GPC5: variants seen among roughly 807,000 people sequenced by gnomAD.
GPC5 encodes the protein glypican-5.
In GPC5, 47 loss-of-function variants were observed where a neutral mutation model predicts 53.9. That is an observed-to-expected ratio of 0.87 (90% CI 0.69 to 1.11). GPC5 has a LOEUF of 1.11. GPC5 is among the 50% of genes most tolerant of loss of function. The pLI is 0.00. For synonymous variants in GPC5, 286 were observed against 263.3 expected (o/e 1.09, Z -0.84); for missense variants, 748 against 713.1 (o/e 1.05, Z -0.56).
chr13:91,963,747 T>C (rs927834215), intron 6 of GPC5, among the ~76,000 whole-genome samples: 1 of 151,998 alleles, frequency 6.6e-6, no homozygotes, highest in Admixed American at 6.6e-5. Context: ...GATAAATAAA[T>C]AAAACACAGA....
chr13:92,842,220 GC>G (rs1713833530), intron 7 of GPC5, among the ~76,000 whole-genome samples: 1 of 152,030 alleles, frequency 6.6e-6, no homozygotes, highest in South Asian at 2.1e-4. Context: ...TAACAAATAA[GC>G]CTGTTATTAC....
chr13:91,790,512 A>C (rs1365835734), intron 5 of GPC5, among the ~76,000 whole-genome samples: 1 of 152,242 alleles, frequency 6.6e-6, no homozygotes, highest in Admixed American at 6.5e-5. Flanking sequence ...TTTGAACAAA[A>C]ACAACAATGC....
chr13:92,728,404 T>C (rs1160713515), intron 7 of GPC5, among the ~76,000 whole-genome samples: 1 of 150,282 alleles, frequency 6.7e-6, no homozygotes, highest in Non-Finnish European at 1.5e-5. Flanking sequence ...TGAATGTTAA[T>C]TTTTTTGTGG....
At chr13:91,720,771 G>T (rs2036445953) in intron 3 of GPC5, among the ~76,000 whole-genome samples, 1 of 152,108 alleles carries the variant, frequency 6.6e-6, no homozygotes, top group Admixed American at 6.5e-5. Flanking sequence ...CTCATTTAAT[G>T]ATACCTTCAT....
At chr13:91,952,189 C>CTATGTGTGTG (rs138325351) in intron 6 of GPC5, among the ~76,000 whole-genome samples, 1 of 119,316 alleles carries the variant, frequency 8.4e-6, no homozygotes, top group African/African-American at 2.5e-5. Context: ...CTCTCTCTCT[C>CTATGTGTGTG]TGTGTGTGTG....
chr13:92,445,439 A>G (rs1222240477), intron 7 of GPC5, among the ~76,000 whole-genome samples: 8 of 148,472 alleles, frequency 5.4e-5, no homozygotes, highest in Admixed American at 5.4e-4. Context: ...AGCATTAGGT[A>G]TATCTCCTAA....
At chr13:92,469,855 A>C (rs1046640305) in intron 7 of GPC5, among the ~76,000 whole-genome samples, 2 of 152,134 alleles carry the variant, frequency 1.3e-5, no homozygotes, top group South Asian at 4.1e-4. Context: ...AATTTATATC[A>C]TACTGAGACA....
chr13:91,514,050 A>G (rs1330562395), intron 2 of GPC5, among the ~76,000 whole-genome samples: 2 of 152,182 alleles, frequency 1.3e-5, no homozygotes, highest in African/African-American at 4.8e-5. Flanking sequence ...TTCACCTGTA[A>G]AAAGCCATCT....
At chr13:92,864,257 T>C (rs1879273519) in intron 7 of GPC5, among the ~76,000 whole-genome samples, 1 of 152,186 alleles carries the variant, frequency 6.6e-6, no homozygotes, top group Non-Finnish European at 1.5e-5. Flanking sequence ...TCCTTAGAAC[T>C]GTTACATTTA....
intron 7 of GPC5, among the ~76,000 whole-genome samples, chr13:92,766,907 G>T (rs9561144): frequency 0.34 from 51,574 of 152,038 alleles, 10,170 homozygotes; most frequent in East Asian, 0.75. Flanking sequence ...ATTCACTTGA[G>T]GCAGAACTAT....
intron 2 of GPC5, among the ~76,000 whole-genome samples, chr13:91,630,840 T>G (rs1209984390): frequency 2.6e-5 from 4 of 152,112 alleles, no homozygotes; most frequent in Non-Finnish European, 5.9e-5. Context: ...CTTTTGTTTT[T>G]TTGTTTTTTG....
chr13:91,649,559 A>T (rs948707316), intron 2 of GPC5, among the ~76,000 whole-genome samples: 2 of 152,182 alleles, frequency 1.3e-5, no homozygotes, highest in East Asian at 1.9e-4. Flanking sequence ...AGTGCTATTC[A>T]TTCTGGATTA....
intron 7 of GPC5, among the ~76,000 whole-genome samples, chr13:92,301,782 C>T (rs2043077215): frequency 6.6e-6 from 1 of 151,928 alleles, no homozygotes; most frequent in African/African-American, 2.4e-5. Flanking sequence ...AAAGTAGTGC[C>T]AGCTACTCGG....
chr13:91,401,450 A>G (rs1266881067), intron 1 of GPC5, among the ~76,000 whole-genome samples: 2 of 152,204 alleles, frequency 1.3e-5, no homozygotes, highest in East Asian at 1.9e-4. Flanking sequence ...ATTATCCTCA[A>G]TCTCAAGAGA....
intron 3 of GPC5, among the ~76,000 whole-genome samples, chr13:91,697,572 A>G (rs570332090): frequency 1.7e-4 from 26 of 152,184 alleles, no homozygotes; most frequent in Non-Finnish European, 2.8e-4. Flanking sequence ...AAAAATTGAT[A>G]TTTTCAGAAA....
In GPC5 at chr13:91,630,641, G is replaced by A. The variant is rs377175447; in HGVS notation, c.326-62546G>A. 3.9e-5 allele frequency among the ~76,000 whole-genome samples: 6 copies of A among 152,214 alleles called. No individual in the cohort carries two copies. The East Asian group carries it at 5.8e-4, about 15-fold the overall frequency. The stretch of plus-strand genomic sequence containing the variant: ...ACAGTATCAGATCTCCCCAAAGAGG[G>A]CCTGTCCCCAAATTACAGAATGGAG... On this transcript the variant is annotated intron_variant, in intron 2 of 7. Transcript: ENST00000377067.
At chr13:92,417,971 TCTA>T (rs1277515448) in intron 7 of GPC5, among the ~76,000 whole-genome samples, 4 of 152,182 alleles carry the variant, frequency 2.6e-5, no homozygotes, top group African/African-American at 9.7e-5. Flanking sequence ...AGAATCTTAT[TCTA>T]CTATAAAAAC....
intron 5 of GPC5, among the ~76,000 whole-genome samples, chr13:91,804,803 A>G (rs1313158591): frequency 6.6e-6 from 1 of 152,186 alleles, no homozygotes; most frequent in African/African-American, 2.4e-5. Flanking sequence ...CCTGCCCATT[A>G]CAGTGAGACT....
intron 6 of GPC5, among the ~76,000 whole-genome samples, chr13:91,936,770 G>C (rs2039875417): frequency 6.6e-6 from 1 of 151,932 alleles, no homozygotes; most frequent in South Asian, 2.1e-4. Context: ...TTTAAGCATG[G>C]GAGTCAATTT....
Sources: allele counts gnomAD v4.1 joint callset (sites outside exome capture counted in the v4.1 genomes callset), GRCh38; gene constraint gnomAD v4.1.1; transcripts MANE v1.5; gene names NCBI Gene and HGNC (gene_info 2026-07-23, HGNC 2026-07-21).